The following DNAAF11 variants were observed in gnomAD, a reference collection of about 807,000 sequenced individuals.
DNAAF11 encodes the protein leucine rich repeat containing 6.
Under a neutral mutation model 60.8 loss-of-function variants are expected in DNAAF11, and 45 were observed. The observed-to-expected ratio is 0.74, with a 90% CI of 0.58 to 0.95. The LOEUF (loss-of-function observed/expected upper bound fraction) is 0.95. DNAAF11 is among the 40% of genes least tolerant of loss of function. DNAAF11 has a pLI of 0.00. For synonymous variants in DNAAF11, 191 were observed against 183.5 expected (o/e 1.04, Z -0.33); for missense variants, 546 against 546.2 (o/e 1.00, Z 0.00).
chr8:132,645,476 G>T (rs1312852560), intron 3 of DNAAF11, among the ~76,000 whole-genome samples: 1 of 152,194 alleles, frequency 6.6e-6, no homozygotes, highest in African/African-American at 2.4e-5. Context: ...AACAAAGCTG[G>T]ACGGAGAATG....
chr8:132,701,277 T>G, the DNAAF11 span, among the ~76,000 whole-genome samples: 1 of 152,212 alleles, frequency 6.6e-6, no homozygotes, highest in Non-Finnish European at 1.5e-5. Context: ...TCATATATTC[T>G]TTCAATAGCA....
intron 10 of DNAAF11, among the ~76,000 whole-genome samples, chr8:132,608,226 T>C (rs1818310599): frequency 6.6e-6 from 1 of 152,098 alleles, no homozygotes; most frequent in African/African-American, 2.4e-5. Flanking sequence ...TTAAAAAGAA[T>C]AATGATAGAA....
chr8:132,614,750 G>C (rs961462519), intron 8 of DNAAF11, among the ~76,000 whole-genome samples: 1 of 152,198 alleles, frequency 6.6e-6, no homozygotes, highest in Non-Finnish European at 1.5e-5. Flanking sequence ...CAAAGACAGA[G>C]TGGGGTCCTT....
At chr8:132,639,794 T>C (rs1483047042) in intron 3 of DNAAF11, among the ~76,000 whole-genome samples, 2 of 152,016 alleles carry the variant, frequency 1.3e-5, no homozygotes, top group South Asian at 4.2e-4. Context: ...TCCACCCATA[T>C]AGGAGTTACA....
chr8:132,627,775 T>TGGGGCTTG (rs1007393184), intron 5 of DNAAF11, among the ~76,000 whole-genome samples: 11 of 152,260 alleles, frequency 7.2e-5, no homozygotes, highest in Admixed American at 4.6e-4. Context: ...CTTGAGAATT[T>TGGGGCTTG]GGGGCTTGGG....
At position 132,615,112 on chromosome 8, in the gene DNAAF11, T is replaced by C; in HGVS notation, c.915-15A>G. ...AGAAGTCAATTCTAAGAATAACACATTTGGTGGGAAAAAAGAGATGTCTTT... is the reference window on the plus strand; with the variant it reads ...AGAAGTCAATTCTAAGAATAACACACTTGGTGGGAAAAAAGAGATGTCTTT... On this transcript the variant is annotated splice_polypyrimidine_tract_variant and intron_variant, in intron 7 of 11. Transcript: ENST00000620350. The C allele has an allele frequency of 6.4e-7, 1 of 1,570,746 alleles. No homozygotes were observed. The highest frequency in any genetic ancestry group is 8.8e-7 in the Non-Finnish European group (1 of 1,142,546).
chr8:132,624,074 A>G (rs1820014824), intron 6 of DNAAF11, among the ~76,000 whole-genome samples: 3 of 152,184 alleles, frequency 2.0e-5, no homozygotes, highest in Admixed American at 2.0e-4. Flanking sequence ...CTCAATTCAT[A>G]ACAGATTAGA....
chr8:132,575,634 G>A (rs1008440571), intron 11 of DNAAF11, among the ~76,000 whole-genome samples: 6 of 152,126 alleles, frequency 3.9e-5, no homozygotes, highest in East Asian at 1.9e-4. Flanking sequence ...AAAGAATTAC[G>A]GTAGGAATCA....
intron 4 of DNAAF11, among the ~76,000 whole-genome samples, chr8:132,633,923 T>C (rs961474893): frequency 7.9e-5 from 12 of 152,140 alleles, no homozygotes; most frequent in African/African-American, 2.9e-4. Flanking sequence ...ACACCTTCAT[T>C]TTAGCCCAGT....
chr8:132,578,897 C>T (rs942099549), intron 11 of DNAAF11, among the ~76,000 whole-genome samples: 3 of 152,218 alleles, frequency 2.0e-5, no homozygotes, highest in Admixed American at 6.5e-5. Context: ...GAGGCCAAGG[C>T]CCTGAGCATG....
At chr8:132,634,892 C>A (rs1414310334) in intron 4 of DNAAF11, among the ~76,000 whole-genome samples, 1 of 151,308 alleles carries the variant, frequency 6.6e-6, no homozygotes, top group African/African-American at 2.4e-5. Flanking sequence ...CCAACAGAAC[C>A]CTGGGGAGCA....
At chr8:132,658,213 A>G (rs1329846329) in intron 2 of DNAAF11, among the ~76,000 whole-genome samples, 2 of 152,156 alleles carry the variant, frequency 1.3e-5, no homozygotes, top group African/African-American at 4.8e-5. Flanking sequence ...GATTTGGGGG[A>G]AAAAATTACA....
At position 132,572,164 on chromosome 8, in the gene DNAAF11, T is replaced by C; in HGVS notation, c.*142A>G. On this transcript the variant is annotated 3_prime_UTR_variant, in exon 12 of 12. Coordinates refer to ENST00000620350, the MANE Select transcript of DNAAF11 (RefSeq NM_012472.6). ...TTAAGCTATCTTAAGGATATTACTA[T>C]GCAAAGTAAGAGTTAAAACACTGGA... 1 of 627,130 alleles carries C rather than the reference T, an allele frequency of 1.6e-6. No homozygotes were observed. The highest frequency in any genetic ancestry group is 2.7e-6 in the Non-Finnish European group (1 of 363,664). 38.8% of individuals were successfully genotyped at this position (627,130 alleles called of 1,614,324 possible).
chr8:132,652,738 C>G (rs990184028), intron 3 of DNAAF11, among the ~76,000 whole-genome samples: 2 of 151,908 alleles, frequency 1.3e-5, no homozygotes, highest in South Asian at 4.2e-4. Flanking sequence ...GGGAATTGAA[C>G]AATAAGAACA....
At chr8:132,698,705 C>A in the DNAAF11 span, among the ~76,000 whole-genome samples, 10 of 151,910 alleles carry the variant, frequency 6.6e-5, no homozygotes, top group Non-Finnish European at 1.0e-4. Flanking sequence ...AGCTTCTGTT[C>A]TGGTGAAAAA....
At chr8:132,579,753 G>C (rs1388870258) in intron 11 of DNAAF11, among the ~76,000 whole-genome samples, 2 of 152,168 alleles carry the variant, frequency 1.3e-5, no homozygotes, top group Non-Finnish European at 2.9e-5. Flanking sequence ...CCAACAATTT[G>C]GGAGGCTGCA....
At chr8:132,690,035 A>T in the DNAAF11 span, among the ~76,000 whole-genome samples, 4 of 152,208 alleles carry the variant, frequency 2.6e-5, no homozygotes. Context: ...AAAACTGCTT[A>T]ATATGCATTA....
At chr8:132,625,176 A>C in intron 6 of DNAAF11, 96 bp downstream of exon 6, 1 of 907,180 alleles carries the variant, frequency 1.1e-6, no homozygotes, top group Non-Finnish European at 1.6e-6. Context: ...CAAGTGCTAA[A>C]GGTTTAACAC....
chr8:132,632,788 C>A lies in DNAAF11; in HGVS notation c.605G>T (p.Ser202Ile), dbSNP rs1349183784. The A allele has an allele frequency of 6.2e-7, 1 of 1,613,942 alleles. No individual in the cohort carries two copies. Among genetic ancestry groups the A allele is most frequent in the South Asian group, 1.1e-5 (1 of 91,068 alleles). ...CCAACGTCCATCAAAGCCTGCGTTA[C>A]TTCTCTTGTCTTCATTTTTATCCTC... ...QEEDKNEDKRSNAGFDGRWYT... is the reference protein window; with the variant it reads ...QEEDKNEDKRINAGFDGRWYT... The change falls in exon 5 of 12, where the codon AGT becomes ATT. Residue 202 changes from serine (S) to isoleucine (I), a missense_variant. Physicochemically the swap from Ser to Ile is moderately radical, Grantham distance 142. Coordinates refer to ENST00000620350, the MANE Select transcript of DNAAF11 (RefSeq NM_012472.6).
Sources: gnomAD v4.1 joint callset for allele counts (sites outside exome capture counted in the v4.1 genomes callset) on GRCh38, gnomAD v4.1.1 for gene constraint, MANE v1.5 for transcripts, NCBI Gene and HGNC (gene_info 2026-07-23, HGNC 2026-07-21) for gene names.